Variants in WWOX observed in about 807,000 individuals in gnomAD.
The protein encoded by WWOX is WW domain containing oxidoreductase, also known as WW domain-containing oxidoreductase.
Under a neutral mutation model 46.2 loss-of-function variants are expected in WWOX, and 69 were observed. That is an observed-to-expected ratio of 1.49 (90% CI 1.23 to 1.82). WWOX has a LOEUF of 1.82. Among genes scored for constraint, WWOX ranks in the 40% most tolerant of loss-of-function variants. The probability of loss-of-function intolerance (pLI) is 0.00; values close to 1 mark genes in which losing one functional copy is unlikely to be tolerated. For missense variants in WWOX, 919 were observed against 542.6 expected (o/e 1.69, Z -6.89); for synonymous variants, 359 against 202.6 (o/e 1.77, Z -6.56).
At chr16:78,640,829 T>C (rs1597383984) in intron 8 of WWOX, among the ~76,000 whole-genome samples, 1 of 151,444 alleles carries the variant, frequency 6.6e-6, no homozygotes. Context: ...ATCCCAGCTA[T>C]TCGGGAGGGT....
At chr16:78,141,430 C>CTTTTTTTTTTT (rs10639685) in intron 4 of WWOX, among the ~76,000 whole-genome samples, 1 of 118,964 alleles carries the variant, frequency 8.4e-6, no homozygotes, top group African/African-American at 3.1e-5. Context: ...CATCCCCCTT[C>CTTTTTTTTTTT]TTTTTTTTTT....
chr16:78,842,479 G>A (rs757733743), intron 8 of WWOX, among the ~76,000 whole-genome samples: 7 of 149,226 alleles, frequency 4.7e-5, no homozygotes, highest in Non-Finnish European at 8.9e-5. Flanking sequence ...CTTCAACCTG[G>A]GTGAAAAAGT....
chr16:78,940,923 C>T (rs1270657053), intron 8 of WWOX, among the ~76,000 whole-genome samples: 2 of 151,888 alleles, frequency 1.3e-5, no homozygotes. Flanking sequence ...TTGCTTGGAT[C>T]CCAAGGAATT....
At chr16:78,213,175 G>A (rs546980674) in intron 5 of WWOX, among the ~76,000 whole-genome samples, 189 of 150,682 alleles carry the variant, frequency 1.3e-3, no homozygotes, top group African/African-American at 4.4e-3. Flanking sequence ...TGCTTGAACC[G>A]TGGAGGCAGA....
At chr16:78,240,472 G>A (rs1353229386) in intron 5 of WWOX, among the ~76,000 whole-genome samples, 2 of 152,122 alleles carry the variant, frequency 1.3e-5, no homozygotes, top group African/African-American at 4.8e-5. Flanking sequence ...GAGAAACCTG[G>A]CACGGTTTCC....
chr16:78,761,481 T>C (rs183101991), intron 8 of WWOX, among the ~76,000 whole-genome samples: 8 of 152,340 alleles, frequency 5.3e-5, no homozygotes, highest in Admixed American at 2.6e-4. Context: ...TTGTGTTGGC[T>C]GAAATCTGTA....
intron 6 of WWOX, among the ~76,000 whole-genome samples, chr16:78,400,532 G>GA (rs1035674584): frequency 6.6e-5 from 10 of 152,074 alleles, no homozygotes; most frequent in Non-Finnish European, 1.2e-4. Context: ...GGAAGACTTG[G>GA]AAAAAATCTT....
At chr16:78,885,111 T>C (rs571774054) in intron 8 of WWOX, among the ~76,000 whole-genome samples, 2 of 152,172 alleles carry the variant, frequency 1.3e-5, no homozygotes, top group East Asian at 3.9e-4. Flanking sequence ...ATAACATCTC[T>C]GTTAGTTTGT....
chr16:78,530,373 G>C (rs754036599), intron 8 of WWOX, among the ~76,000 whole-genome samples: 1 of 152,152 alleles, frequency 6.6e-6, no homozygotes, highest in African/African-American at 2.4e-5. Flanking sequence ...CAGATGTGGG[G>C]GATTTTATTG....
chr16:78,563,614 C>A (rs1227435904), intron 8 of WWOX, among the ~76,000 whole-genome samples: 2 of 151,580 alleles, frequency 1.3e-5, no homozygotes, highest in African/African-American at 4.9e-5. Flanking sequence ...ACCTCTCTTC[C>A]ACCCTGCTGC....
intron 8 of WWOX, among the ~76,000 whole-genome samples, chr16:79,017,733 A>C (rs2047446656): frequency 6.6e-6 from 1 of 152,150 alleles, no homozygotes. Flanking sequence ...ACCAGTCTAA[A>C]AAAGCCATGG....
At chr16:78,797,159 G>C (rs770236381) in intron 8 of WWOX, among the ~76,000 whole-genome samples, 87 of 151,988 alleles carry the variant, frequency 5.7e-4, no homozygotes, top group Admixed American at 2.5e-3. Context: ...TGGGGAAATC[G>C]TACCTGCCCT....
intron 8 of WWOX, among the ~76,000 whole-genome samples, chr16:79,208,828 T>C (rs1022034132): frequency 1.3e-5 from 2 of 152,190 alleles, no homozygotes; most frequent in African/African-American, 4.8e-5. Flanking sequence ...GAGGTTGCCA[T>C]TGGTACGGCT....
At chr16:79,074,641 G>T (rs868551281) in intron 8 of WWOX, among the ~76,000 whole-genome samples, 12 of 151,678 alleles carry the variant, frequency 7.9e-5, no homozygotes, top group African/African-American at 2.7e-4. Flanking sequence ...TCTCCATGAG[G>T]ATTAGATGAG....
Position 78,341,456 on chromosome 16 carries a change from C to G in WWOX, c.517-45404C>G, listed in dbSNP as rs185461193. Among the ~76,000 whole-genome samples, 191 of 120,724 alleles carry G rather than the reference C, an allele frequency of 1.6e-3. 57 individuals are homozygous for G. The highest frequency in any genetic ancestry group is 2.2e-4 in the Non-Finnish European group (11 of 50,512). The allele number at this position is 120,724 out of a possible 152,430, so 79.2% of individuals were successfully genotyped here. On this transcript the variant is annotated intron_variant, in intron 5 of 8. Coordinates refer to ENST00000566780, the MANE Select transcript of WWOX (RefSeq NM_016373.4). ...CTTTGTTCCTTTTATTTTTATGTTACTCATTCTTTTAAGCTTGTCTTAGAC... is the reference window on the plus strand; with the variant it reads ...CTTTGTTCCTTTTATTTTTATGTTAGTCATTCTTTTAAGCTTGTCTTAGAC...
intron 8 of WWOX, among the ~76,000 whole-genome samples, chr16:78,516,096 T>G (rs2043229354): frequency 1.3e-5 from 2 of 151,994 alleles, no homozygotes; most frequent in Admixed American, 1.3e-4. Context: ...ACCGTGCAAA[T>G]GAATAGCAAG....
At chr16:78,188,256 G>A (rs2035770879) in intron 5 of WWOX, among the ~76,000 whole-genome samples, 1 of 152,090 alleles carries the variant, frequency 6.6e-6, no homozygotes, top group South Asian at 2.1e-4. Flanking sequence ...TTGGGAGGCC[G>A]AGGCGGGCAG....
At chr16:78,685,075 C>A (rs1372275605) in intron 8 of WWOX, among the ~76,000 whole-genome samples, 3 of 152,186 alleles carry the variant, frequency 2.0e-5, no homozygotes, top group African/African-American at 7.2e-5. Context: ...ATCGTCCACC[C>A]TCTGAGATCT....
At chr16:78,599,864 T>C (rs781635531) in intron 8 of WWOX, among the ~76,000 whole-genome samples, 16 of 152,132 alleles carry the variant, frequency 1.1e-4, no homozygotes, top group African/African-American at 3.9e-4. Context: ...GTGAGCTCTC[T>C]AAATGACAGT....
Sources: gnomAD v4.1 joint callset for allele counts (sites outside exome capture counted in the v4.1 genomes callset) on GRCh38, gnomAD v4.1.1 for gene constraint, MANE v1.5 for transcripts, NCBI Gene and HGNC (gene_info 2026-07-23, HGNC 2026-07-21) for gene names.